Variants in LMLN observed in about 807,000 individuals in gnomAD.
LMLN encodes the protein leishmanolysin-like peptidase.
A neutral mutation model predicts 92.3 loss-of-function variants in LMLN; 70 were observed. The ratio of observed to expected loss-of-function variants is 0.76; its 90% CI spans 0.63 to 0.92. The LOEUF is 0.92. Among genes scored for constraint, LMLN ranks in the 40% least tolerant of loss-of-function variants. The pLI is 0.00. For synonymous variants in LMLN, 308 were observed against 296.2 expected (o/e 1.04, Z -0.41); for missense variants, 691 against 814.6 (o/e 0.85, Z 1.85).
intron 1 of LMLN, among the ~76,000 whole-genome samples, chr3:197,961,747 G>A (rs1720900225): frequency 6.6e-6 from 1 of 152,124 alleles, no homozygotes; most frequent in African/African-American, 2.4e-5. Flanking sequence ...CAATGCTACA[G>A]GAAATTACAT....
At chr3:197,960,966 C>T (rs926224915) in intron 1 of LMLN, among the ~76,000 whole-genome samples, 15 of 152,090 alleles carry the variant, frequency 9.9e-5, no homozygotes, top group African/African-American at 3.4e-4. Flanking sequence ...CACGTTATGT[C>T]GTCACTTTGT....
chr3:198,038,392 T>C (rs1723293972), intron 15 of LMLN, 175 bp from the exon 17 acceptor site: 1 of 553,060 alleles, frequency 1.8e-6, no homozygotes, highest in Non-Finnish European at 3.2e-6. Context: ...ATATTTTTCC[T>C]CCATTAAAAA....
chr3:197,995,355 A>G (rs1435459938), intron 9 of LMLN, among the ~76,000 whole-genome samples: 1 of 152,232 alleles, frequency 6.6e-6, no homozygotes, highest in East Asian at 1.9e-4. Context: ...AGTTATACAC[A>G]GATATTGGAC....
At chr3:197,977,775 G>A (rs566034114) in intron 5 of LMLN, among the ~76,000 whole-genome samples, 1 of 150,382 alleles carries the variant, frequency 6.6e-6, no homozygotes, top group Non-Finnish European at 1.5e-5. Context: ...AAACAGTCTG[G>A]AAGTATACAC....
At chr3:197,968,578 A>G (rs564162516) in intron 1 of LMLN, among the ~76,000 whole-genome samples, 46 of 152,012 alleles carry the variant, frequency 3.0e-4, no homozygotes, top group African/African-American at 7.5e-4. Flanking sequence ...TAAAAGTATT[A>G]ATTTTGGGAA....
chr3:197,961,613 A>G (rs1428214639), intron 1 of LMLN, among the ~76,000 whole-genome samples: 2 of 152,158 alleles, frequency 1.3e-5, no homozygotes, highest in Admixed American at 6.5e-5. Context: ...ACGTTTCGCT[A>G]GTTCCTCATA....
intron 11 of LMLN, among the ~76,000 whole-genome samples, chr3:198,006,280 C>T (rs982354814): frequency 5.3e-5 from 8 of 152,184 alleles, no homozygotes; most frequent in East Asian, 1.9e-4. Flanking sequence ...GTTAATATTC[C>T]GCAGTATGAT....
intron 11 of LMLN, among the ~76,000 whole-genome samples, chr3:198,012,599 C>G (rs1396883550): frequency 1.3e-5 from 2 of 151,772 alleles, no homozygotes; most frequent in Non-Finnish European, 2.9e-5. Context: ...CCTAACGAGT[C>G]TGACTTCTCT....
rs1487446169 is a variant in LMLN, at chr3:198,009,429, C to CT, written c.1233-9818dup. On this transcript the variant is annotated intron_variant, in intron 11 of 15. Transcript: ENST00000330198. ...CATTTTCTTTGAAAAGAAAAAAGTT[C>CT]TTTTTTGTACCATCTTTGTCTAGTT... Among the ~76,000 whole-genome samples, 3 of 152,206 alleles carry CT rather than the reference C, an allele frequency of 2.0e-5. No homozygotes were observed. In the East Asian group the frequency reaches 5.8e-4, roughly 29 times the overall value.
intron 14 of LMLN, among the ~76,000 whole-genome samples, chr3:198,027,442 T>A (rs1722963564): frequency 6.6e-6 from 1 of 152,174 alleles, no homozygotes; most frequent in Non-Finnish European, 1.5e-5. Flanking sequence ...TGGCACTAAA[T>A]ACATTCACGT....
chr3:197,985,647 T>TG, intron 7 of LMLN, 149 bp from the exon 8 acceptor site: 1 of 481,630 alleles, frequency 2.1e-6, no homozygotes, highest in Non-Finnish European at 3.7e-6. Flanking sequence ...ACTTAATTGT[T>TG]GTTCAATTCC....
intron 1 of LMLN, among the ~76,000 whole-genome samples, chr3:197,970,258 GAAGAA>G (rs1232756158): frequency 1.3e-5 from 2 of 152,132 alleles, no homozygotes; most frequent in Non-Finnish European, 2.9e-5. Context: ...GAAATTAACA[GAAGAA>G]AAGAAGTGTG....
chr3:197,979,401 C>A (rs774414090), intron 5 of LMLN, among the ~76,000 whole-genome samples: 1 of 152,140 alleles, frequency 6.6e-6, no homozygotes, highest in Non-Finnish European at 1.5e-5. Flanking sequence ...GGGCAAGGTG[C>A]GGTGACTCAC....
rs1219984146 is a variant in LMLN, at chr3:198,014,063, G to A, written c.1233-5190G>A. ...TAGTCTGACTTCTCTGTACCCTTCA[G>A]AGCCTCCTAACTAGTCTGACTTCTC... On this transcript the variant is annotated intron_variant, in intron 11 of 15. Transcript: ENST00000330198. Among the ~76,000 whole-genome samples, 77 of 145,386 alleles carry A rather than the reference G, an allele frequency of 5.3e-4. 1 individual carries two copies. The highest frequency in any genetic ancestry group is 5.2e-3 in the Admixed American group (77 of 14,812).
exon 16 of LMLN, chr3:198,040,192 G>A (rs1723360845): frequency 6.6e-6 from 1 of 152,204 alleles, no homozygotes; most frequent in South Asian, 2.1e-4. Flanking sequence ...CAAGGTATAA[G>A]TTTGGTGTAG....
At chr3:197,980,415 T>C in exon 6 of LMLN, 1 of 1,614,094 alleles carries the variant, frequency 6.2e-7, no homozygotes, top group Non-Finnish European at 8.5e-7. Context: ...ACTTTGTTCT[T>C]TACGTTGGTG....
At chr3:198,038,281 C>A (rs1723290823) in intron 15 of LMLN, 2 of 335,990 alleles carry the variant, frequency 6.0e-6, no homozygotes, top group Admixed American at 4.4e-5. Context: ...CTCAGAATAA[C>A]CAAGATCTTT....
chr3:197,978,267 T>C (rs980210148), intron 5 of LMLN, among the ~76,000 whole-genome samples: 1 of 152,234 alleles, frequency 6.6e-6, no homozygotes, highest in Non-Finnish European at 1.5e-5. Flanking sequence ...GAAAGTGCTT[T>C]TCTTTCATAA....
At chr3:197,967,314 G>C (rs1053021215) in intron 1 of LMLN, among the ~76,000 whole-genome samples, 3 of 152,180 alleles carry the variant, frequency 2.0e-5, no homozygotes, top group Non-Finnish European at 2.9e-5. Context: ...GAAATACAGA[G>C]AAAGAGTACA....
Sources: gnomAD v4.1 joint callset for allele counts (sites outside exome capture counted in the v4.1 genomes callset) on GRCh38, gnomAD v4.1.1 for gene constraint, MANE v1.5 for transcripts, NCBI Gene and HGNC (gene_info 2026-07-23, HGNC 2026-07-21) for gene names.